The following XKR4 variants were observed in gnomAD, a reference collection of about 807,000 sequenced individuals.
The protein encoded by XKR4 is XK related 4, also known as XK-related protein 4.
In XKR4, 12 loss-of-function variants were observed where a neutral mutation model predicts 53.9. The ratio of observed to expected loss-of-function variants is 0.22; its 90% CI spans 0.14 to 0.36. The LOEUF is 0.36. Ranked by LOEUF, XKR4 falls within the 10% of genes least tolerant of loss-of-function variation. The pLI is 1.00. For synonymous variants in XKR4, 354 were observed against 362.4 expected (o/e 0.98, Z 0.26); for missense variants, 799 against 859.5 (o/e 0.93, Z 0.88).
chr8:55,403,676 T>C (rs935355378), intron 2 of XKR4, among the ~76,000 whole-genome samples: 1 of 152,178 alleles, frequency 6.6e-6, no homozygotes, highest in Non-Finnish European at 1.5e-5. Context: ...GTCGATACAG[T>C]TTAACCTTCC....
chr8:55,391,749 A>G (rs889675663), intron 2 of XKR4, among the ~76,000 whole-genome samples: 4 of 152,228 alleles, frequency 2.6e-5, no homozygotes, highest in African/African-American at 9.6e-5. Flanking sequence ...TACCTAAAAT[A>G]TTAAAATAAG....
intron 1 of XKR4, among the ~76,000 whole-genome samples, chr8:55,301,047 A>G (rs1322622238): frequency 6.6e-6 from 1 of 152,018 alleles, no homozygotes; most frequent in African/African-American, 2.4e-5. Context: ...CACAATGTGC[A>G]GGTTTGTTAC....
chr8:55,147,324 G>A (rs1288801904), intron 1 of XKR4, among the ~76,000 whole-genome samples: 3 of 152,232 alleles, frequency 2.0e-5, no homozygotes, highest in Non-Finnish European at 2.9e-5. Context: ...ATAAGCAAGA[G>A]ATTGGGAAAG....
At chr8:55,455,791 T>G (rs773825778) in intron 2 of XKR4, among the ~76,000 whole-genome samples, 1 of 152,116 alleles carries the variant, frequency 6.6e-6, no homozygotes, top group African/African-American at 2.4e-5. Flanking sequence ...ATGGGAGGAC[T>G]CTGAATGTGC....
intron 1 of XKR4, among the ~76,000 whole-genome samples, chr8:55,122,784 A>G (rs1816409821): frequency 6.6e-6 from 1 of 152,256 alleles, no homozygotes; most frequent in African/African-American, 2.4e-5. Context: ...GACTTGCAGC[A>G]AAGTGCCTGC....
chr8:55,301,534 T>C (rs1156676577), intron 1 of XKR4, among the ~76,000 whole-genome samples: 1 of 152,130 alleles, frequency 6.6e-6, no homozygotes, highest in Admixed American at 6.5e-5. Context: ...CTGGGTCAAA[T>C]GGTATTTCTA....
At chr8:55,379,143 G>C (rs1234969002) in intron 2 of XKR4, among the ~76,000 whole-genome samples, 1 of 152,114 alleles carries the variant, frequency 6.6e-6, no homozygotes, top group East Asian at 1.9e-4. Context: ...CAGTCTGGGG[G>C]TCAGATATCC....
At chr8:55,192,839 G>T (rs1817461293) in intron 1 of XKR4, among the ~76,000 whole-genome samples, 1 of 152,154 alleles carries the variant, frequency 6.6e-6, no homozygotes, top group African/African-American at 2.4e-5. Context: ...GTGAGGCTGG[G>T]CCTTTATGGG....
At chr8:55,175,731 T>A (rs536431753) in intron 1 of XKR4, among the ~76,000 whole-genome samples, 159 of 152,288 alleles carry the variant, frequency 1.0e-3, no homozygotes, top group Non-Finnish European at 1.7e-3. Flanking sequence ...CTATTTTAGG[T>A]TTTGTCTGTA....
intron 1 of XKR4, among the ~76,000 whole-genome samples, chr8:55,208,530 G>A (rs745578687): frequency 6.6e-6 from 1 of 151,234 alleles, no homozygotes; most frequent in Non-Finnish European, 1.5e-5. Context: ...GCAGTGGTGC[G>A]ATCTCCGTTC....
intron 2 of XKR4, among the ~76,000 whole-genome samples, chr8:55,427,624 A>T (rs1805036722): frequency 6.6e-6 from 1 of 152,254 alleles, no homozygotes; most frequent in Non-Finnish European, 1.5e-5. Context: ...TTTGTAATAC[A>T]CACTCTGAAT....
chr8:55,305,395 A>C (rs898177219), intron 1 of XKR4, among the ~76,000 whole-genome samples: 1 of 152,122 alleles, frequency 6.6e-6, no homozygotes, highest in Admixed American at 6.5e-5. Flanking sequence ...AGGGACCCAG[A>C]GAAAGGAGGG....
intron 2 of XKR4, among the ~76,000 whole-genome samples, chr8:55,358,646 A>G (rs935657501): frequency 7.2e-5 from 11 of 152,234 alleles, no homozygotes; most frequent in African/African-American, 2.4e-4. Flanking sequence ...ACATGGGCAC[A>G]TGGATGATGG....
chr8:55,164,925 C>T lies in XKR4; in HGVS notation c.806+61631C>T, dbSNP rs537397650. 1.1e-4 allele frequency among the ~76,000 whole-genome samples: 16 copies of T among 152,264 alleles called. No individual in the cohort carries two copies. In the South Asian group the frequency reaches 3.3e-3, roughly 32 times the overall value. On this transcript the variant is annotated intron_variant, in intron 1 of 2. Transcript: ENST00000327381. Reference sequence around the variant, plus strand: ...TTTGCTGCCTCACCCTCCCTCTCCCCATGTCCTATAGACCCTGTGTTCCGG... The same window carrying T: ...TTTGCTGCCTCACCCTCCCTCTCCCTATGTCCTATAGACCCTGTGTTCCGG...
chr8:55,478,552 T>C (rs1806041479), intron 2 of XKR4, among the ~76,000 whole-genome samples: 1 of 152,074 alleles, frequency 6.6e-6, no homozygotes, highest in African/African-American at 2.4e-5. Flanking sequence ...CATAACAATA[T>C]TAACTTTAAA....
intron 2 of XKR4, among the ~76,000 whole-genome samples, chr8:55,377,550 A>G (rs1804168712): frequency 6.6e-6 from 1 of 152,190 alleles, no homozygotes; most frequent in Non-Finnish European, 1.5e-5. Context: ...TTTTCCCTTA[A>G]GGAGCAACAA....
At chr8:55,382,351 G>T (rs1804247398) in intron 2 of XKR4, among the ~76,000 whole-genome samples, 1 of 152,182 alleles carries the variant, frequency 6.6e-6, no homozygotes, top group Non-Finnish European at 1.5e-5. Flanking sequence ...AAGCAGTTGT[G>T]CATACATTCC....
chr8:55,210,480 T>C (rs556740524), intron 1 of XKR4, among the ~76,000 whole-genome samples: 1 of 152,236 alleles, frequency 6.6e-6, no homozygotes, highest in African/African-American at 2.4e-5. Context: ...GTGGTAAATG[T>C]AAATATTTTT....
intron 2 of XKR4, among the ~76,000 whole-genome samples, chr8:55,362,849 C>T (rs1380062763): frequency 2.0e-5 from 3 of 152,334 alleles, no homozygotes; most frequent in South Asian, 2.1e-4. Flanking sequence ...TATCAGAGCT[C>T]CCTGGGGTCA....
Sources: gnomAD v4.1 joint callset for allele counts (sites outside exome capture counted in the v4.1 genomes callset) on GRCh38, gnomAD v4.1.1 for gene constraint, MANE v1.5 for transcripts, NCBI Gene and HGNC (gene_info 2026-07-23, HGNC 2026-07-21) for gene names.